The following ARHGAP5 variants were observed in gnomAD, a reference collection of about 807,000 sequenced individuals.
ARHGAP5 encodes the protein Rho GTPase activating protein 5.
In ARHGAP5, 23 loss-of-function variants were observed where a neutral mutation model predicts 116.6. The observed-to-expected ratio is 0.20, with a 90% confidence interval of 0.14 to 0.28. The LOEUF (loss-of-function observed/expected upper bound fraction) is 0.28. Ranked by LOEUF, ARHGAP5 falls within the 10% of genes least tolerant of loss-of-function variation. The pLI is 1.00. For synonymous variants in ARHGAP5, 574 were observed against 602.0 expected (o/e 0.95, Z 0.68); for missense variants, 1,405 against 1,774.8 (o/e 0.79, Z 3.74).
At chr14:32,078,036 G>A (rs1208673444) in intron 1 of ARHGAP5, among the ~76,000 whole-genome samples, 1 of 152,246 alleles carries the variant, frequency 6.6e-6, no homozygotes. Context: ...AAGTTGCACT[G>A]CGCATCCAGA....
Position 32,152,437 on chromosome 14 carries a change from A to G in ARHGAP5, c.4090A>G (p.Thr1364Ala), listed in dbSNP as rs1418631168. 6.2e-7 allele frequency: 1 copy of G among 1,601,682 alleles called. No individual in the cohort carries two copies. Among genetic ancestry groups the G allele is most frequent in the Non-Finnish European group, 8.5e-7 (1 of 1,175,234 alleles). ...TAATTTTACAGAAATCCCGGATAAA[A>G]CAGAACGTCTTCATGCCTTGAAAGA... ...LLEAAKIPDK[T>A]ERLHALKEIV... Residue 1364 changes from threonine to alanine, a missense_variant, in exon 6 of 7, where the codon ACA becomes GCA. Transcript: ENST00000345122.
intron 5 of ARHGAP5, among the ~76,000 whole-genome samples, chr14:32,151,646 A>G (rs1056008016): frequency 9.2e-5 from 14 of 152,224 alleles, no homozygotes; most frequent in African/African-American, 2.7e-4. Context: ...CGTTTGTTAC[A>G]TGTTGTCTGT....
rs1296195632 is a variant in ARHGAP5, at chr14:32,103,277, C to T, written c.3717+8891C>T. Among the ~76,000 whole-genome samples the T allele has an allele frequency of 9.2e-5, 14 of 152,154 alleles. No homozygotes were observed. In the East Asian group the frequency reaches 2.3e-3, roughly 25 times the overall value. ...GCCATTTCTTTGAATTCTGTGTTGT[C>T]CATTTGATCATGATTTATTGCTTTT... On this transcript the variant is annotated intron_variant, in intron 2 of 6. Transcript: ENST00000345122.
chr14:32,153,042 GTTTTTTT>G (rs1240719852), intron 6 of ARHGAP5, among the ~76,000 whole-genome samples: 3 of 86,946 alleles, frequency 3.5e-5, no homozygotes, highest in East Asian at 1.0e-3. Context: ...GAACTGTATG[GTTTTTTT>G]TGTTTTTTTT....
At chr14:32,146,952 T>C (rs1881406630) in intron 4 of ARHGAP5, among the ~76,000 whole-genome samples, 1 of 152,194 alleles carries the variant, frequency 6.6e-6, no homozygotes, top group African/African-American at 2.4e-5. Flanking sequence ...TCCGAGTTTC[T>C]TCCCAAATTT....
rs1443749570 is a variant in ARHGAP5 at position 32,120,975 on chromosome 14, T to C, written c.3865+3688T>C. 2.6e-5 allele frequency among the ~76,000 whole-genome samples: 4 copies of C among 151,748 alleles called. No homozygotes were observed. In the East Asian group the frequency reaches 7.7e-4, roughly 29 times the overall value. ...CTATTAGATTTTACATCATGTATTT[T>C]GAAGATCTTTTAATTTCATACACAT... On this transcript the variant is annotated intron_variant, in intron 3 of 6. Transcript: ENST00000345122.
At chr14:32,152,079 G>A (rs572731509) in intron 5 of ARHGAP5, among the ~76,000 whole-genome samples, 1 of 152,266 alleles carries the variant, frequency 6.6e-6, no homozygotes, top group African/African-American at 2.4e-5. Context: ...ATTAGGTGCG[G>A]CATTAGATTC....
intron 3 of ARHGAP5, among the ~76,000 whole-genome samples, chr14:32,144,986 A>G (rs1881309693): frequency 6.6e-6 from 1 of 152,056 alleles, no homozygotes; most frequent in East Asian, 1.9e-4. Flanking sequence ...TTGGTTTTTG[A>G]TATGGGGGAC....
At position 32,092,335 on chromosome 14, in the gene ARHGAP5, A is replaced by G; in HGVS notation, c.1666A>G (p.Thr556Ala). 1 of 1,613,712 alleles carries G rather than the reference A, an allele frequency of 6.2e-7. No individual in the cohort carries two copies. Among genetic ancestry groups the G allele is most frequent in the Non-Finnish European group, 8.5e-7 (1 of 1,179,732 alleles). The change falls in exon 2 of 7, where the codon ACA (threonine) becomes GCA (alanine). Residue 556 changes from threonine to alanine, a missense_variant. Transcript: ENST00000345122. This position sits in a 1 kb window ranked among gnomAD's most constrained non-coding sequence, Gnocchi z 4.1. ...ATTTGTTTATCATCCCACTAAAGAA[A>G]CATGTCTTAGTGGCCAAAATTGTAC... ...IGFVYHPTKE[T>A]CLSGQNCTDI...
chr14:32,128,552 G>A (rs951231221), intron 3 of ARHGAP5, among the ~76,000 whole-genome samples: 10 of 152,236 alleles, frequency 6.6e-5, no homozygotes, highest in South Asian at 2.1e-4. Context: ...AGGCTGGCCC[G>A]CCTCTGCGTG....
At position 32,156,685 on chromosome 14, in the gene ARHGAP5, C is replaced by A. The variant is rs1265116477; in HGVS notation, c.*1737C>A. On this transcript the variant is annotated 3_prime_UTR_variant, in exon 7 of 7. Transcript: ENST00000345122. ...CTTAACCTGTTCTATATTACTTATA[C>A]CTATTGTCTATATAGCTTTAATTTA... is the stretch of plus-strand genomic sequence containing the variant. The A allele has an allele frequency of 1.3e-5, 2 of 152,248 alleles. No individual in the cohort carries two copies. Among genetic ancestry groups the A allele is most frequent in the Non-Finnish European group, 3.0e-5 (2 of 67,790 alleles). 9.4% of individuals were successfully genotyped at this position (152,248 alleles called of 1,614,324 possible).
intron 6 of ARHGAP5, among the ~76,000 whole-genome samples, chr14:32,153,714 G>A (rs1010544718): frequency 4.6e-5 from 7 of 151,802 alleles, no homozygotes; most frequent in African/African-American, 1.5e-4. Context: ...CTTGTGATCC[G>A]CCTACCTCGG....
At position 32,101,380 on chromosome 14, in the gene ARHGAP5, T is replaced by TTA. The variant is rs1368380129; in HGVS notation, c.3717+6998_3717+6999dup. ...CAAATCATGACTTCATACCATGCCATTATATTAATATAGTAAATCTTAGGT... is the reference window on the plus strand; with the variant it reads ...CAAATCATGACTTCATACCATGCCATTATATATTAATATAGTAAATCTTAGGT... On this transcript the variant is annotated intron_variant, in intron 2 of 6. Transcript: ENST00000345122. Among the ~76,000 whole-genome samples the TTA allele has an allele frequency of 2.6e-5, 4 of 152,194 alleles. No homozygotes were observed. The East Asian group carries it at 7.7e-4, about 29-fold the overall frequency.
intron 2 of ARHGAP5, among the ~76,000 whole-genome samples, chr14:32,111,967 C>T (rs535775711): frequency 5.9e-5 from 9 of 151,472 alleles, no homozygotes; most frequent in African/African-American, 9.7e-5. Context: ...TACAGGCTCA[C>T]GCCACCATGC....
chr14:32,118,521 C>A (rs963786755), intron 3 of ARHGAP5, among the ~76,000 whole-genome samples: 2 of 151,864 alleles, frequency 1.3e-5, no homozygotes, highest in Non-Finnish European at 1.5e-5. Context: ...AGAAGAAATT[C>A]CATTATCCAC....
chr14:32,077,581 T>G (rs2041720508), intron 1 of ARHGAP5, 146 bp downstream of exon 1: 1 of 551,426 alleles, frequency 1.8e-6, no homozygotes. Context: ...GAGGGGAGCC[T>G]GGCGCTGCGC....
intron 4 of ARHGAP5, among the ~76,000 whole-genome samples, chr14:32,149,381 A>G (rs1881537665): frequency 6.6e-6 from 1 of 152,128 alleles, no homozygotes. Context: ...AAGTTCCTCA[A>G]TATACTAATA....
Position 32,098,580 on chromosome 14 carries a change from A to G in ARHGAP5, c.3717+4194A>G, listed in dbSNP as rs149969769. Among the ~76,000 whole-genome samples, 278 of 152,322 alleles carry G rather than the reference A, an allele frequency of 1.8e-3. 1 individual carries two copies. Among genetic ancestry groups the G allele is most frequent in the African/African-American group, 6.4e-3 (267 of 41,568 alleles). ...AGTCATTGATCTAGGGCAGACATTG[A>G]TAAACTTTCTGTAAAGGGCCTGATA... On this transcript the variant is annotated intron_variant, in intron 2 of 6. Coordinates refer to ENST00000345122, the MANE Select transcript of ARHGAP5 (RefSeq NM_001030055.2).
chr14:32,116,839 A>G (rs1209123172), intron 2 of ARHGAP5, among the ~76,000 whole-genome samples: 1 of 152,188 alleles, frequency 6.6e-6, no homozygotes, highest in Non-Finnish European at 1.5e-5. Context: ...GCTTGCCCCT[A>G]GTTTGTCCCT....
Sources: gnomAD v4.1 joint callset for allele counts (sites outside exome capture counted in the v4.1 genomes callset) on GRCh38, gnomAD v4.1.1 for gene constraint, Gnocchi (gnomAD v3.1) non-coding constraint, MANE v1.5 for transcripts, NCBI Gene and HGNC (gene_info 2026-07-23, HGNC 2026-07-21) for gene names.